The following PCDHA1 variants were observed in gnomAD, a reference collection of about 807,000 sequenced individuals.
The protein encoded by PCDHA1 is protocadherin alpha-1.
PCDHA1 carries 42 observed loss-of-function variants against 61.3 expected under a neutral mutation model. The observed-to-expected ratio is 0.69, with a 90% confidence interval of 0.54 to 0.89. PCDHA1 has a LOEUF of 0.89. PCDHA1 is among the 40% of genes least tolerant of loss of function. The pLI, the probability that PCDHA1 is intolerant of heterozygous loss-of-function variation, is 0.00. For synonymous variants in PCDHA1, 610 were observed against 553.8 expected (o/e 1.10, Z -1.43); for missense variants, 1,256 against 1,235.3 (o/e 1.02, Z -0.25).
chr5:140,787,055 A>G lies in PCDHA1; in HGVS notation c.765A>G (p.Thr255=), dbSNP rs1379856543. 1.9e-5 allele frequency: 30 copies of G among 1,614,138 alleles called. No individual in the cohort carries two copies. The highest frequency in any genetic ancestry group is 2.5e-5 in the Non-Finnish European group (29 of 1,180,046). The change falls in exon 1 of 4, where the codon ACA becomes ACG. Residue 255 remains threonine, a synonymous_variant. Transcript: ENST00000504120. ...AVYRVHLLET[T]ANGTLVTTLN... ...ACAGAGTCCACTTGTTAGAGACTACAGCAAATGGAACATTAGTGACCACAT... is the reference window on the plus strand; with the variant it reads ...ACAGAGTCCACTTGTTAGAGACTACGGCAAATGGAACATTAGTGACCACAT...
chr5:140,850,639 T>C (rs2150491929), intron 1 of PCDHA1: 1 of 1,598,684 alleles, frequency 6.3e-7, no homozygotes, highest in East Asian at 2.2e-5. Flanking sequence ...GTTCTCACGC[T>C]GCTGCTGTAC....
At chr5:140,898,622 A>C (rs1286354840) in intron 1 of PCDHA1, among the ~76,000 whole-genome samples, 1 of 152,172 alleles carries the variant, frequency 6.6e-6, no homozygotes, top group Admixed American at 6.5e-5. Context: ...GTCAGGTAGC[A>C]TAATGCCTCC....
intron 3 of PCDHA1, among the ~76,000 whole-genome samples, chr5:140,991,068 T>A (rs1563570560): frequency 6.6e-6 from 1 of 152,216 alleles, no homozygotes; most frequent in Admixed American, 6.5e-5. Flanking sequence ...ATTATTCCCA[T>A]GTTTCAGATA....
At chr5:140,807,990 A>T in intron 1 of PCDHA1, 2 of 1,613,728 alleles carry the variant, frequency 1.2e-6, no homozygotes, top group Non-Finnish European at 1.7e-6. Flanking sequence ...AACGCCTCAG[A>T]TTTAGACGAA....
At position 141,010,692 on chromosome 5, in the gene PCDHA1, G is replaced by A. The variant is rs1415098319; in HGVS notation, c.*755G>A. The A allele has an allele frequency of 1.9e-5, 3 of 159,998 alleles. No homozygotes were observed. The highest frequency in any genetic ancestry group is 7.2e-5 in the African/African-American group (3 of 41,584). 9.9% of individuals were successfully genotyped at this position (159,998 alleles called of 1,614,324 possible). On this transcript the variant is annotated 3_prime_UTR_variant, in exon 4 of 4. Coordinates refer to ENST00000504120, the MANE Select transcript of PCDHA1 (RefSeq NM_018900.4). ...TGGGAAACAGAAGCAGATCTGATGT[G>A]TTTCCTATACATGTCCTGTGCTCAC...
intron 1 of PCDHA1, among the ~76,000 whole-genome samples, chr5:140,798,291 T>C (rs1554120641): frequency 1.3e-5 from 2 of 152,218 alleles, no homozygotes; most frequent in Non-Finnish European, 2.9e-5. Flanking sequence ...TAATCTTAAG[T>C]ATGTTTTTTA....
intron 1 of PCDHA1, among the ~76,000 whole-genome samples, chr5:140,933,649 T>G (rs1259214104): frequency 6.6e-6 from 1 of 152,058 alleles, no homozygotes; most frequent in Non-Finnish European, 1.5e-5. Flanking sequence ...AAGTTGGAAA[T>G]CCTGTCTCTC....
intron 1 of PCDHA1, chr5:140,823,505 G>A (rs1767736595): frequency 6.2e-7 from 1 of 1,613,446 alleles, no homozygotes; most frequent in Non-Finnish European, 8.5e-7. Flanking sequence ...GGCGCAGTGA[G>A]CGAGCTGGTG....
intron 1 of PCDHA1, among the ~76,000 whole-genome samples, chr5:140,963,588 A>G (rs1554226668): frequency 6.6e-6 from 1 of 152,218 alleles, no homozygotes; most frequent in African/African-American, 2.4e-5. Flanking sequence ...AATGTAGGAT[A>G]TAGTTCTAGA....
At chr5:140,940,470 A>AT (rs201096499) in intron 1 of PCDHA1, among the ~76,000 whole-genome samples, 9 of 149,600 alleles carry the variant, frequency 6.0e-5, no homozygotes, top group East Asian at 5.9e-4. Context: ...GTTCCCTGCA[A>AT]TTTTTTTTTT....
rs2150260681 is a variant in PCDHA1 at position 140,836,426 on chromosome 5, G to A, written c.2394+47742G>A. The stretch of plus-strand genomic sequence containing the variant: ...GCCAGGCACCAAAGGCGTCGTCGCG[G>A]GCATCGTTGGGCATTGCAGGCCCAG... On this transcript the variant is annotated intron_variant, in intron 1 of 3. Transcript: ENST00000504120. 2.7e-5 allele frequency: 44 copies of A among 1,613,710 alleles called. 1 individual carries two copies. The highest frequency in any genetic ancestry group is 3.5e-5 in the Non-Finnish European group (41 of 1,179,868).
chr5:140,967,084 TC>T, intron 1 of PCDHA1: 2 of 1,613,270 alleles, frequency 1.2e-6, no homozygotes, highest in African/African-American at 2.7e-5. Flanking sequence ...AGCGCATTGA[TC>T]GGGAGGCGCT....
chr5:140,876,075 C>G, intron 1 of PCDHA1: 1 of 1,613,908 alleles, frequency 6.2e-7, no homozygotes, highest in Non-Finnish European at 8.5e-7. Context: ...AGTTATTGGA[C>G]AGAGAGCAAA....
chr5:140,822,130 G>C (rs2150113866), intron 1 of PCDHA1: 2 of 1,614,268 alleles, frequency 1.2e-6, no homozygotes, highest in South Asian at 2.2e-5. Context: ...TTTCCATGTG[G>C]AGGTGGCAGT....
chr5:140,843,218 A>C, intron 1 of PCDHA1: 1 of 1,596,010 alleles, frequency 6.3e-7, no homozygotes, highest in Non-Finnish European at 8.6e-7. Context: ...CGAGATCAGC[A>C]CCACTCGTGT....
intron 1 of PCDHA1, among the ~76,000 whole-genome samples, chr5:140,898,521 AGGG>A (rs1583310812): frequency 6.6e-6 from 1 of 152,252 alleles, no homozygotes; most frequent in East Asian, 1.9e-4. Context: ...GTTATTTCTG[AGGG>A]CTCTGTTCTG....
Position 140,835,309 on chromosome 5 carries a change from A to G in PCDHA1, c.2394+46625A>G, listed in dbSNP as rs2150233650. On this transcript the variant is annotated intron_variant, in intron 1 of 3. Coordinates refer to ENST00000504120, the MANE Select transcript of PCDHA1 (RefSeq NM_018900.4). ...GCAATCACAGTGATAGGACATATGG[A>G]TTTTGAAGAAAGTAGAGCACACAAG... 9.3e-6 allele frequency: 15 copies of G among 1,612,924 alleles called. No homozygotes were observed. The African/African-American group carries it at 1.9e-4, about 20-fold the overall frequency.
intron 1 of PCDHA1, chr5:140,804,072 G>T: frequency 6.2e-6 from 1 of 160,592 alleles, no homozygotes. Flanking sequence ...TCCACCTTCA[G>T]TTTCAAAAAT....
In PCDHA1 at chr5:140,787,805, G is replaced by T; in HGVS notation, c.1515G>T (p.Ser505=). 1 of 1,612,464 alleles carries T rather than the reference G, an allele frequency of 6.2e-7. No homozygotes were observed. Among genetic ancestry groups the T allele is most frequent in the Non-Finnish European group, 8.5e-7 (1 of 1,179,760 alleles). Residue 505 remains serine (S), a synonymous_variant, in exon 1 of 4, where the codon TCG becomes TCT. Transcript: ENST00000504120. ...GGCGGGTGGGCGAGCGCGCGCTGTC[G>T]AACTACGTGTCAGTGCACGCGGAGA... The part of the protein sequence containing the change: ...VERRVGERAL[S]NYVSVHAESG...
Sources: gnomAD v4.1 joint callset for allele counts (sites outside exome capture counted in the v4.1 genomes callset) on GRCh38, gnomAD v4.1.1 for gene constraint, MANE v1.5 for transcripts, NCBI Gene and HGNC (gene_info 2026-07-23, HGNC 2026-07-21) for gene names.